Variants in AGPAT5 observed in about 807,000 individuals in gnomAD.
AGPAT5 encodes 1-acyl-sn-glycerol-3-phosphate acyltransferase epsilon.
A neutral mutation model predicts 45.6 loss-of-function variants in AGPAT5; 46 were observed. The ratio of observed to expected loss-of-function variants is 1.01; its 90% CI spans 0.80 to 1.29. The LOEUF is 1.29. Ranked by LOEUF, AGPAT5 falls within the 50% of genes most tolerant of loss-of-function variation. The pLI is 0.00. For synonymous variants in AGPAT5, 272 were observed against 167.0 expected, an observed-to-expected ratio of 1.63 and a Z score of -4.85; for missense variants, 673 against 450.7, an observed-to-expected ratio of 1.49 and a Z score of -4.47.
At position 6,718,480 on chromosome 8, in the gene AGPAT5, A is replaced by G. The variant is rs567967750; in HGVS notation, c.220-6390A>G. Among the ~76,000 whole-genome samples, 3 of 148,678 alleles carry G rather than the reference A, an allele frequency of 2.0e-5. No homozygotes were observed. The South Asian group carries it at 6.5e-4, about 32-fold the overall frequency. On this transcript the variant is annotated intron_variant, in intron 1 of 7. Transcript: ENST00000285518. ...AGAGTTGACGTGAGACAGACAGCAT[A>G]CAGAGGCTTGTAACATCCTTCTGGA...
intron 1 of AGPAT5, among the ~76,000 whole-genome samples, chr8:6,712,742 G>C (rs543129298): frequency 1.3e-5 from 2 of 152,250 alleles, no homozygotes; most frequent in African/African-American, 4.8e-5. Flanking sequence ...TTCTATCCTA[G>C]GAATCTAGAT....
chr8:6,721,834 G>A (rs181114974), intron 1 of AGPAT5, among the ~76,000 whole-genome samples: 19 of 151,942 alleles, frequency 1.3e-4, no homozygotes, highest in Admixed American at 1.2e-3. Context: ...GCACAGGGAA[G>A]GAGGGTTTTA....
At chr8:6,735,502 A>T (rs979527179) in intron 4 of AGPAT5, among the ~76,000 whole-genome samples, 2 of 152,166 alleles carry the variant, frequency 1.3e-5, no homozygotes, top group Admixed American at 6.5e-5. Context: ...AAATTGTTAA[A>T]ATTTTTAGCT....
Position 6,757,310 on chromosome 8 carries a change from T to G in AGPAT5, c.1017T>G (p.Asp339Glu), listed in dbSNP as rs2116973498. ...TGACTGCAGGCATGCTTATGACCGATGCTGGAAGGAAGCTGTATGTGAACA... is the reference window on the plus strand; with the variant it reads ...TGACTGCAGGCATGCTTATGACCGAGGCTGGAAGGAAGCTGTATGTGAACA... Reference protein sequence around the residue: ...SGLTAGMLMTDAGRKLYVNTW... With the variant: ...SGLTAGMLMTEAGRKLYVNTW... Residue 339 changes from aspartate (D) to glutamate (E), a missense_variant, in exon 8 of 8, where the codon GAT becomes GAG. Coordinates refer to ENST00000285518, the MANE Select transcript of AGPAT5 (RefSeq NM_018361.5). 6.2e-7 allele frequency: 1 copy of G among 1,614,222 alleles called. No individual in the cohort carries two copies. The highest frequency in any genetic ancestry group is 8.5e-7 in the Non-Finnish European group (1 of 1,180,034).
intron 6 of AGPAT5, among the ~76,000 whole-genome samples, chr8:6,748,381 G>A (rs891236299): frequency 5.9e-5 from 9 of 152,226 alleles, no homozygotes; most frequent in African/African-American, 2.2e-4. Flanking sequence ...AGTGTTAGCT[G>A]TTAGAGAAAT....
chr8:6,741,710 C>T lies in AGPAT5; in HGVS notation c.545C>T (p.Thr182Ile), dbSNP rs142001193. ...GGTACAAGGTATAATCCAGAGCAAA[C>T]AAAAGTCCTTTCAGCTAGTCAGGCA... ...PEGTRYNPEQ[T>I]KVLSASQAFA... Residue 182 changes from threonine (T) to isoleucine (I), a missense_variant, in exon 5 of 8, where the codon ACA (threonine) becomes ATA (isoleucine). Physicochemically the swap from Thr to Ile is moderately conservative, Grantham distance 89. Transcript: ENST00000285518. 4.8e-5 allele frequency: 77 copies of T among 1,612,690 alleles called. No homozygotes were observed. In the African/African-American group the frequency reaches 9.5e-4, roughly 20 times the overall value.
At chr8:6,746,780 A>C (rs1446481074) in intron 5 of AGPAT5, among the ~76,000 whole-genome samples, 1 of 152,202 alleles carries the variant, frequency 6.6e-6, no homozygotes, top group Non-Finnish European at 1.5e-5. Context: ...GGCCAGTAGA[A>C]AATCTAGACT....
intron 5 of AGPAT5, 134 bp downstream of exon 5, chr8:6,741,885 A>AT: frequency 1.6e-6 from 1 of 632,452 alleles, no homozygotes; most frequent in Non-Finnish European, 2.7e-6. Context: ...TAGTGTACAT[A>AT]TTATCTCTTA....
intron 1 of AGPAT5, among the ~76,000 whole-genome samples, chr8:6,714,445 G>A (rs1286495596): frequency 2.0e-5 from 3 of 152,138 alleles, no homozygotes; most frequent in Non-Finnish European, 4.4e-5. Flanking sequence ...CTAAAAAAAT[G>A]TAACTAGAAC....
intron 5 of AGPAT5, among the ~76,000 whole-genome samples, chr8:6,747,341 C>A (rs760847048): frequency 2.9e-4 from 44 of 152,350 alleles, no homozygotes; most frequent in Middle Eastern, 3.4e-3. Flanking sequence ...GATGCTATCA[C>A]CTTTGTTCAG....
intron 6 of AGPAT5, among the ~76,000 whole-genome samples, chr8:6,751,367 G>GA (rs1434754301): frequency 1.3e-5 from 2 of 152,202 alleles, no homozygotes; most frequent in African/African-American, 2.4e-5. Context: ...CATTCTGGGG[G>GA]ATCACTGTTT....
chr8:6,710,186 A>G (rs2408445), intron 1 of AGPAT5, among the ~76,000 whole-genome samples: 1 of 152,174 alleles, frequency 6.6e-6, no homozygotes, highest in African/African-American at 2.4e-5. Context: ...AGGACACAAT[A>G]TGATGCAGAA....
intron 1 of AGPAT5, among the ~76,000 whole-genome samples, chr8:6,722,494 C>T (rs1353412136): frequency 6.6e-6 from 1 of 152,102 alleles, no homozygotes; most frequent in East Asian, 1.9e-4. Flanking sequence ...ACAAAGAATG[C>T]TGTATATTTA....
At chr8:6,745,866 G>C (rs1295330388) in intron 5 of AGPAT5, 12 of 151,986 alleles carry the variant, frequency 7.9e-5, no homozygotes, top group Admixed American at 7.9e-4. Flanking sequence ...CCATTTTACA[G>C]ACCATATTTC....
chr8:6,722,009 T>C (rs951360022), intron 1 of AGPAT5, among the ~76,000 whole-genome samples: 1 of 152,072 alleles, frequency 6.6e-6, no homozygotes, highest in Admixed American at 6.6e-5. Flanking sequence ...GGGGTTTGTA[T>C]GTGATTTTTA....
At chr8:6,711,903 T>A (rs1459645080) in intron 1 of AGPAT5, among the ~76,000 whole-genome samples, 2 of 152,226 alleles carry the variant, frequency 1.3e-5, no homozygotes, top group East Asian at 3.8e-4. Flanking sequence ...AGAGCCCACC[T>A]GGATATTCCG....
At chr8:6,721,765 A>G (rs1800510883) in intron 1 of AGPAT5, among the ~76,000 whole-genome samples, 1 of 152,220 alleles carries the variant, frequency 6.6e-6, no homozygotes. Context: ...TTGTGAATTA[A>G]GAGACTGATT....
At chr8:6,727,498 C>T (rs566214020) in intron 2 of AGPAT5, among the ~76,000 whole-genome samples, 12 of 152,250 alleles carry the variant, frequency 7.9e-5, no homozygotes, top group African/African-American at 2.9e-4. Context: ...TTTCCTGCCT[C>T]AGCCTCCCGA....
intron 2 of AGPAT5, among the ~76,000 whole-genome samples, chr8:6,725,350 A>G (rs1028458866): frequency 3.3e-5 from 5 of 152,214 alleles, no homozygotes; most frequent in African/African-American, 4.8e-5. Context: ...TTTCCTTACT[A>G]TGCTCGTCAT....
Sources: allele counts gnomAD v4.1 joint callset (sites outside exome capture counted in the v4.1 genomes callset), GRCh38; gene constraint gnomAD v4.1.1; transcripts MANE v1.5; gene names NCBI Gene and HGNC (gene_info 2026-07-23, HGNC 2026-07-21).